The following MSH4 variants were observed in gnomAD, a reference collection of about 807,000 sequenced individuals.
MSH4 encodes the protein mutS protein homolog 4.
A neutral mutation model predicts 113.7 loss-of-function variants in MSH4; 106 were observed. The observed-to-expected ratio is 0.93, with a 90% CI of 0.80 to 1.10. MSH4 has a LOEUF of 1.10. MSH4 is among the 50% of genes least tolerant of loss of function. The pLI is 0.00. For synonymous variants in MSH4, 368 were observed against 380.2 expected (o/e 0.97, Z 0.37); for missense variants, 1,061 against 1,093.7 (o/e 0.97, Z 0.42).
chr1:75,799,403 G>T (rs1258455259), intron 1 of MSH4, among the ~76,000 whole-genome samples: 1 of 152,158 alleles, frequency 6.6e-6, no homozygotes, highest in Non-Finnish European at 1.5e-5. Context: ...CAGTAGAGAA[G>T]ACAGACTTAA....
In MSH4 at chr1:75,879,997, A is replaced by G. The variant is rs1287660634; in HGVS notation, c.1678-53A>G. 5 of 849,082 alleles carry G rather than the reference A, an allele frequency of 5.9e-6. No homozygotes were observed. The South Asian group carries it at 7.8e-5, about 13-fold the overall frequency. 52.6% of individuals were successfully genotyped at this position (849,082 alleles called of 1,614,324 possible). A position where few individuals can be genotyped will look rare whatever the true frequency, so the allele number is the denominator to read the frequency against. ...ATATTTCTGTTGTTTAAAATCTTAC[A>G]TTTCATAGTAGTGTGCATTTATCTT... On this transcript the variant is annotated intron_variant, in intron 12 of 19. Coordinates refer to ENST00000263187, the MANE Select transcript of MSH4 (RefSeq NM_002440.4).
intron 8 of MSH4, among the ~76,000 whole-genome samples, chr1:75,854,716 C>T (rs949139410): frequency 2.6e-4 from 40 of 152,106 alleles, no homozygotes; most frequent in African/African-American, 9.4e-4. Context: ...GGGTTCTTCA[C>T]TTTATTTTTG....
chr1:75,911,901 A>G (rs552356759), intron 19 of MSH4, among the ~76,000 whole-genome samples: 1 of 152,202 alleles, frequency 6.6e-6, no homozygotes, highest in Non-Finnish European at 1.5e-5. Flanking sequence ...ATAAAAAGTT[A>G]AGATTAAAAA....
chr1:75,902,994 C>T (rs1652544079), intron 19 of MSH4, among the ~76,000 whole-genome samples: 1 of 149,714 alleles, frequency 6.7e-6, no homozygotes, highest in African/African-American at 2.4e-5. Context: ...CTTCTGTAGG[C>T]TGTCTCTTCA....
chr1:75,809,825 A>G (rs1346776507), intron 3 of MSH4, among the ~76,000 whole-genome samples: 1 of 151,662 alleles, frequency 6.6e-6, no homozygotes, highest in African/African-American at 2.4e-5. Context: ...TAATTTTTGT[A>G]TTTTTAGTAG....
In MSH4 at chr1:75,853,349, A is replaced by C. The variant is rs547921529; in HGVS notation, c.1230+5073A>C. On this transcript the variant is annotated intron_variant, in intron 8 of 19. Coordinates refer to ENST00000263187, the MANE Select transcript of MSH4 (RefSeq NM_002440.4). ...CAAAGTACTGGGGTTACAGGCGTGA[A>C]CCACCACACCTGGCCTGATTTTTTT... Among the ~76,000 whole-genome samples, 93 of 152,168 alleles carry C rather than the reference A, an allele frequency of 6.1e-4. 1 individual carries two copies. The highest frequency in any genetic ancestry group is 6.5e-4 in the Non-Finnish European group (44 of 67,984).
At chr1:75,895,826 G>A (rs1652367527) in intron 17 of MSH4, among the ~76,000 whole-genome samples, 1 of 152,074 alleles carries the variant, frequency 6.6e-6, no homozygotes, top group Admixed American at 6.6e-5. Flanking sequence ...TCATATTAGA[G>A]GGAAGTATGA....
intron 9 of MSH4, among the ~76,000 whole-genome samples, chr1:75,872,415 A>G (rs1469097883): frequency 6.6e-6 from 1 of 152,002 alleles, no homozygotes; most frequent in East Asian, 2.0e-4. Flanking sequence ...TTACGTTTAT[A>G]TGTAACACAG....
intron 2 of MSH4, among the ~76,000 whole-genome samples, chr1:75,806,373 G>T (rs1456386578): frequency 6.7e-6 from 1 of 149,868 alleles, no homozygotes; most frequent in Non-Finnish European, 1.5e-5. Context: ...TCAGCCTCTC[G>T]AGTAGCTGGG....
intron 1 of MSH4, among the ~76,000 whole-genome samples, chr1:75,801,034 C>T (rs981216171): frequency 2.6e-5 from 4 of 152,004 alleles, no homozygotes; most frequent in Non-Finnish European, 4.4e-5. Context: ...GAGCTGAGAA[C>T]GGTTTTTGCA....
chr1:75,892,527 C>G (rs1026313560), intron 17 of MSH4, among the ~76,000 whole-genome samples: 1 of 152,058 alleles, frequency 6.6e-6, no homozygotes, highest in African/African-American at 2.4e-5. Flanking sequence ...ATCGTATACT[C>G]TTAATCAACT....
chr1:75,875,655 C>A (rs575985954), intron 9 of MSH4, among the ~76,000 whole-genome samples: 2 of 152,192 alleles, frequency 1.3e-5, no homozygotes, highest in East Asian at 3.9e-4. Flanking sequence ...CTTACAGTAA[C>A]CTCTTAATCA....
intron 8 of MSH4, among the ~76,000 whole-genome samples, chr1:75,849,750 C>T (rs1199573477): frequency 6.6e-6 from 1 of 152,118 alleles, no homozygotes; most frequent in Non-Finnish European, 1.5e-5. Context: ...GTAGAGTTTA[C>T]ATAGAACTGG....
intron 8 of MSH4, among the ~76,000 whole-genome samples, chr1:75,860,745 G>C (rs991072117): frequency 1.3e-5 from 2 of 152,100 alleles, no homozygotes; most frequent in African/African-American, 4.8e-5. Flanking sequence ...GTGTCTTGGG[G>C]TTGCTCTTCT....
chr1:75,803,885 G>A lies in MSH4; in HGVS notation c.399G>A (p.Lys133=), dbSNP rs1649997627. The A allele has an allele frequency of 6.4e-6, 10 of 1,567,132 alleles. No homozygotes were observed. The highest frequency in any genetic ancestry group is 7.8e-6 in the Non-Finnish European group (9 of 1,160,220). The change falls in exon 2 of 20, where the codon AAG becomes AAA. Residue 133 remains lysine, a synonymous_variant. Transcript: ENST00000263187. The part of the protein sequence containing the change: ...STGNPQRSGY[K]SWTPQVGYSA... ...GAAATCCTCAGAGATCAGGTTATAA[G>A]AGCTGGACACCACAAGTGGGATATT... is the stretch of plus-strand genomic sequence containing the variant.
At position 75,807,126 on chromosome 1, in the gene MSH4, C is replaced by T. The variant is rs1300283338; in HGVS notation, c.573C>T (p.Asn191=). The T allele has an allele frequency of 6.4e-7, 1 of 1,564,066 alleles. No homozygotes were observed. Among genetic ancestry groups the T allele is most frequent in the Non-Finnish European group, 8.6e-7 (1 of 1,164,696 alleles). The change falls in exon 3 of 20, where the codon AAC becomes AAT. Residue 191 remains asparagine (N), a synonymous_variant. Coordinates refer to ENST00000263187, the MANE Select transcript of MSH4 (RefSeq NM_002440.4). ...PQIILSQFAD[N]TTYAKVITKL... ...TTATACTATCCCAGTTTGCAGACAA[C>T]ACAACATATGCAAAGGTAAGTATTA...
Position 75,883,806 on chromosome 1 carries a change from A to T in MSH4, c.2092A>T (p.Ile698Phe), listed in dbSNP as rs775893301. The T allele has an allele frequency of 1.2e-6, 2 of 1,612,152 alleles. No individual in the cohort carries two copies. The highest frequency in any genetic ancestry group is 1.7e-6 in the Non-Finnish European group (2 of 1,179,168). Residue 698 changes from isoleucine (I) to phenylalanine (F), a missense_variant, in exon 15 of 20, where the codon ATT becomes TTT. Ile to Phe is a conservative substitution (Grantham distance 21). Coordinates refer to ENST00000263187, the MANE Select transcript of MSH4 (RefSeq NM_002440.4). The part of the protein sequence containing the change: ...TYLKQIALCQ[I>F]MAQIGSYVPA... ...TTTAAAACAGATTGCTCTTTGTCAGATTATGGCCCAGATTGGTAAGTTATG... is the reference window on the plus strand; with the variant it reads ...TTTAAAACAGATTGCTCTTTGTCAGTTTATGGCCCAGATTGGTAAGTTATG...
rs183647109 is a variant in MSH4 at position 75,823,766 on chromosome 1, G to A, written c.1162+1185G>A. ...CCTGCATTAGTTTGCTGAGGATGACGGTTCCCAGCTTCATCCATGTCCCTG... is the reference window on the plus strand; with the variant it reads ...CCTGCATTAGTTTGCTGAGGATGACAGTTCCCAGCTTCATCCATGTCCCTG... On this transcript the variant is annotated intron_variant, in intron 7 of 19. Coordinates refer to ENST00000263187, the MANE Select transcript of MSH4 (RefSeq NM_002440.4). Among the ~76,000 whole-genome samples the A allele has an allele frequency of 1.7e-4, 26 of 152,186 alleles. No homozygotes were observed. In the East Asian group the frequency reaches 3.1e-3, roughly 18 times the overall value.
intron 7 of MSH4, among the ~76,000 whole-genome samples, chr1:75,830,732 C>T (rs556209932): frequency 5.5e-4 from 84 of 152,236 alleles, no homozygotes; most frequent in Non-Finnish European, 9.1e-4. Context: ...TTAAGACAAA[C>T]AAATGCTGAG....
Sources: allele counts gnomAD v4.1 joint callset (sites outside exome capture counted in the v4.1 genomes callset), GRCh38; gene constraint gnomAD v4.1.1; transcripts MANE v1.5; gene names NCBI Gene and HGNC (gene_info 2026-07-23, HGNC 2026-07-21).